The following LRP1B variants were observed in gnomAD, a reference collection of about 807,000 sequenced individuals.
LRP1B encodes low-density lipoprotein receptor-related protein 1B.
Under a neutral mutation model 556.6 loss-of-function variants are expected in LRP1B, and 217 were observed. The observed-to-expected ratio is 0.39, with a 90% confidence interval of 0.35 to 0.44. The LOEUF is 0.44. Ranked by LOEUF, LRP1B falls within the 20% of genes least tolerant of loss-of-function variation. The probability of loss-of-function intolerance (pLI) is 1.00; values close to 1 mark genes in which losing one functional copy is unlikely to be tolerated. For missense variants in LRP1B, 5,053 were observed against 5,620.8 expected (o/e 0.90, Z 3.23); for synonymous variants, 2,047 against 1,865.8 (o/e 1.10, Z -2.50).
intron 86 of LRP1B, among the ~76,000 whole-genome samples, chr2:140,270,019 G>A (rs1573713345): frequency 6.6e-6 from 1 of 151,896 alleles, no homozygotes; most frequent in East Asian, 1.9e-4. Flanking sequence ...TGTCTGAAAT[G>A]GTACGATGCT....
At chr2:140,636,111 T>C (rs979235873) in intron 41 of LRP1B, among the ~76,000 whole-genome samples, 1 of 152,112 alleles carries the variant, frequency 6.6e-6, no homozygotes, top group Non-Finnish European at 1.5e-5. Context: ...TAAGCTAGGA[T>C]TATTGGAGAC....
Position 140,362,148 on chromosome 2 carries a change from A to G in LRP1B, c.11131+2513T>C, listed in dbSNP as rs146587721. ...CCCAAGCTACTAACATAGCTTGCCT[A>G]AAGTGCCGCCATGGTGTTAACCACT... On this transcript the variant is annotated intron_variant, in intron 72 of 90. Coordinates refer to ENST00000389484, the MANE Select transcript of LRP1B (RefSeq NM_018557.3). Among the ~76,000 whole-genome samples, 369 of 151,788 alleles carry G rather than the reference A, an allele frequency of 2.4e-3. 2 individuals carry two copies. The highest frequency in any genetic ancestry group is 8.0e-3 in the African/African-American group (334 of 41,496).
intron 1 of LRP1B, among the ~76,000 whole-genome samples, chr2:142,002,356 A>C (rs1375680778): frequency 1.3e-5 from 2 of 152,092 alleles, no homozygotes; most frequent in Admixed American, 1.3e-4. Context: ...CTCTAAAATT[A>C]ACATCCTGTC....
intron 2 of LRP1B, among the ~76,000 whole-genome samples, chr2:141,628,479 G>A (rs908552523): frequency 1.1e-4 from 16 of 152,060 alleles, no homozygotes; most frequent in African/African-American, 3.6e-4. Flanking sequence ...AAGAGCTGAT[G>A]CTTTTAACAA....
chr2:141,633,786 A>G (rs1477234603), intron 2 of LRP1B, among the ~76,000 whole-genome samples: 1 of 58,136 alleles, frequency 1.7e-5, no homozygotes, highest in Non-Finnish European at 5.4e-5. Context: ...TCACATGCAC[A>G]CTCAAACTAC....
intron 7 of LRP1B, among the ~76,000 whole-genome samples, chr2:141,170,514 G>A (rs1680456311): frequency 6.6e-6 from 1 of 152,088 alleles, no homozygotes; most frequent in Admixed American, 6.6e-5. Context: ...GCCATTAGAA[G>A]CTGTTTTGTA....
At chr2:141,293,046 A>G (rs1056978692) in intron 3 of LRP1B, among the ~76,000 whole-genome samples, 4 of 152,294 alleles carry the variant, frequency 2.6e-5, no homozygotes, top group Non-Finnish European at 4.4e-5. Flanking sequence ...TGCTATTCTA[A>G]AAAAATCTAA....
intron 16 of LRP1B, among the ~76,000 whole-genome samples, chr2:140,993,130 G>C (rs906250740): frequency 6.6e-6 from 1 of 151,728 alleles, no homozygotes; most frequent in African/African-American, 2.4e-5. Flanking sequence ...TTAAAAAAGG[G>C]AAATGAAGGA....
At chr2:140,289,374 T>G (rs1340440881) in intron 84 of LRP1B, among the ~76,000 whole-genome samples, 1 of 151,976 alleles carries the variant, frequency 6.6e-6, no homozygotes, top group Admixed American at 6.6e-5. Context: ...AAGCCAAGTG[T>G]CTTCAAAAAA....
intron 41 of LRP1B, among the ~76,000 whole-genome samples, chr2:140,656,969 T>C (rs1280535610): frequency 3.3e-5 from 5 of 152,076 alleles, no homozygotes; most frequent in African/African-American, 1.2e-4. Context: ...CATCAATATA[T>C]CACAAAACAG....
intron 32 of LRP1B, among the ~76,000 whole-genome samples, chr2:140,810,839 C>T (rs1302155210): frequency 1.3e-5 from 2 of 152,154 alleles, no homozygotes; most frequent in Non-Finnish European, 2.9e-5. Context: ...CAGGTTCAAG[C>T]GATTCTCCTG....
intron 41 of LRP1B, among the ~76,000 whole-genome samples, chr2:140,690,965 G>A (rs1005351758): frequency 2.6e-5 from 4 of 152,066 alleles, no homozygotes; most frequent in Admixed American, 2.0e-4. Context: ...ACTGAAACTT[G>A]AAAAGCTAAA....
At chr2:141,467,852 A>AGGGGGGT (rs1163213986) in intron 3 of LRP1B, among the ~76,000 whole-genome samples, 6 of 133,244 alleles carry the variant, frequency 4.5e-5, no homozygotes, top group Non-Finnish European at 8.1e-5. Flanking sequence ...GGGGGGGGGA[A>AGGGGGGT]TTCCAGCATA....
chr2:140,672,095 T>G (rs147282099), intron 41 of LRP1B, among the ~76,000 whole-genome samples: 27 of 152,326 alleles, frequency 1.8e-4, no homozygotes, highest in African/African-American at 6.3e-4. Flanking sequence ...CCTGTAAAAC[T>G]AGAAAATAAG....
intron 1 of LRP1B, among the ~76,000 whole-genome samples, chr2:141,843,322 A>G (rs1285130741): frequency 6.6e-6 from 1 of 152,204 alleles, no homozygotes; most frequent in Non-Finnish European, 1.5e-5. Flanking sequence ...CATATAATCC[A>G]TCATTATTAT....
At chr2:140,582,362 C>T (rs942348418) in intron 43 of LRP1B, among the ~76,000 whole-genome samples, 4 of 151,816 alleles carry the variant, frequency 2.6e-5, no homozygotes, top group East Asian at 3.9e-4. Flanking sequence ...TGGTAAGAAA[C>T]TCTTCTACCT....
chr2:140,884,105 G>A, intron 24 of LRP1B, 84 bp from the exon 25 acceptor site: 1 of 1,210,550 alleles, frequency 8.3e-7, no homozygotes, highest in Non-Finnish European at 1.2e-6. Context: ...CCTGTGATCA[G>A]CAGTACAAAT....
chr2:141,646,545 T>C (rs1246549005), intron 2 of LRP1B, among the ~76,000 whole-genome samples: 3 of 152,170 alleles, frequency 2.0e-5, no homozygotes, highest in African/African-American at 7.2e-5. Context: ...ATCTTCTACA[T>C]ACCAGACACT....
intron 3 of LRP1B, among the ~76,000 whole-genome samples, chr2:141,415,372 A>G (rs1053987310): frequency 3.1e-4 from 47 of 152,118 alleles, no homozygotes; most frequent in African/African-American, 1.1e-3. Flanking sequence ...TTCACCAAAA[A>G]TGACTTTTCT....
Sources: gnomAD v4.1 joint callset for allele counts (sites outside exome capture counted in the v4.1 genomes callset) on GRCh38, gnomAD v4.1.1 for gene constraint, MANE v1.5 for transcripts, NCBI Gene and HGNC (gene_info 2026-07-23, HGNC 2026-07-21) for gene names.